Variants in MREG observed in about 807,000 individuals in gnomAD.
The protein encoded by MREG is dilute suppressor protein homolog.
A neutral mutation model predicts 28.5 loss-of-function variants in MREG; 31 were observed. The ratio of observed to expected loss-of-function variants is 1.09; its 90% CI spans 0.82 to 1.47. The LOEUF is 1.47. Among genes scored for constraint, MREG ranks in the 40% most tolerant of loss-of-function variants. MREG has a pLI of 0.00. For synonymous variants in MREG, 106 were observed against 95.2 expected (o/e 1.11, Z -0.66); for missense variants, 256 against 257.4 (o/e 0.99, Z 0.04).
At chr2:216,014,824 C>T (rs540110054), upstream of MREG, among the ~76,000 whole-genome samples, 43 of 152,266 alleles carry the variant, frequency 2.8e-4, no homozygotes, top group Admixed American at 3.3e-4. Context: ...GTATCTACTT[C>T]CCTATACCCT....
At chr2:216,015,026 T>C (rs1384444129), upstream of MREG, among the ~76,000 whole-genome samples, 1 of 152,008 alleles carries the variant, frequency 6.6e-6, no homozygotes, top group Non-Finnish European at 1.5e-5. Flanking sequence ...CAAAGTATTA[T>C]TCAATATGTT....
chr2:215,972,089 C>T (rs973690732), intron 2 of MREG, among the ~76,000 whole-genome samples: 13 of 152,126 alleles, frequency 8.5e-5, no homozygotes, highest in Non-Finnish European at 1.5e-4. Flanking sequence ...CAGGAAACCA[C>T]CTGGATGGTC....
chr2:216,018,974 G>A (rs1694484354), intron 1 of MREG, among the ~76,000 whole-genome samples: 1 of 152,154 alleles, frequency 6.6e-6, no homozygotes, highest in Non-Finnish European at 1.5e-5. Flanking sequence ...CTTCTTAACG[G>A]CAAAGACTCA....
intron 1 of MREG, among the ~76,000 whole-genome samples, chr2:216,002,075 G>A (rs573469305): frequency 5.1e-4 from 77 of 152,278 alleles, no homozygotes; most frequent in African/African-American, 1.7e-3. Flanking sequence ...TAAAGAAAGT[G>A]AGAGTGGTTG....
At chr2:215,998,834 G>A (rs1693940099) in intron 1 of MREG, among the ~76,000 whole-genome samples, 1 of 152,226 alleles carries the variant, frequency 6.6e-6, no homozygotes, top group African/African-American at 2.4e-5. Flanking sequence ...CGGGCTGGGT[G>A]CCATGGGGAC....
At chr2:215,949,035 TCTACTACTACTACTACTACTACTA>T (rs67462853) in intron 2 of MREG, among the ~76,000 whole-genome samples, 2 of 131,094 alleles carry the variant, frequency 1.5e-5, no homozygotes, top group African/African-American at 2.8e-5. Flanking sequence ...AAACCCTGTC[TCTACTACTACTACTACTACTACTA>T]CTACTACTAC....
chr2:215,983,908 A>G (rs1003253460), intron 2 of MREG, among the ~76,000 whole-genome samples: 1 of 152,248 alleles, frequency 6.6e-6, no homozygotes, highest in Non-Finnish European at 1.5e-5. Context: ...TCATTATGCC[A>G]AATAAACATC....
At chr2:215,960,043 C>T (rs1692737665) in intron 2 of MREG, among the ~76,000 whole-genome samples, 1 of 151,910 alleles carries the variant, frequency 6.6e-6, no homozygotes, top group South Asian at 2.1e-4. Flanking sequence ...GCAAGCTCTG[C>T]TTCCTGGGTT....
chr2:216,020,205 T>G (rs79941294), intron 1 of MREG, among the ~76,000 whole-genome samples: 20 of 152,100 alleles, frequency 1.3e-4, no homozygotes, highest in Non-Finnish European at 2.9e-4. Context: ...CTTCTAATTA[T>G]TAAGGACAAA....
intron 2 of MREG, among the ~76,000 whole-genome samples, chr2:215,983,343 T>C (rs1693480001): frequency 6.6e-6 from 1 of 152,258 alleles, no homozygotes; most frequent in African/African-American, 2.4e-5. Flanking sequence ...TTAAGCATTA[T>C]GTGGCTGGTC....
chr2:216,011,044 C>T (rs1278753323), intron 1 of MREG, among the ~76,000 whole-genome samples: 1 of 143,086 alleles, frequency 7.0e-6, no homozygotes, highest in Admixed American at 7.3e-5. Context: ...TGCAGTGAGC[C>T]GAGATCATGC....
chr2:215,971,976 G>A (rs573986569), intron 2 of MREG, among the ~76,000 whole-genome samples: 1 of 152,252 alleles, frequency 6.6e-6, no homozygotes, highest in South Asian at 2.1e-4. Flanking sequence ...TTAGTTGCCC[G>A]ATGGTGCAAC....
chr2:215,996,529 G>T, intron 1 of MREG, 64 bp from the exon 2 acceptor site: 2 of 1,175,176 alleles, frequency 1.7e-6, no homozygotes, highest in Non-Finnish European at 2.5e-6. Flanking sequence ...TATGTCATAT[G>T]CATGCAACAT....
chr2:215,988,964 A>C (rs925337758), intron 2 of MREG, among the ~76,000 whole-genome samples: 4 of 152,218 alleles, frequency 2.6e-5, no homozygotes. Context: ...CTGTGGGCAC[A>C]GCTTCAGCAG....
At chr2:215,974,857 C>CTT (rs1352821318) in intron 2 of MREG, among the ~76,000 whole-genome samples, 38 of 147,206 alleles carry the variant, frequency 2.6e-4, no homozygotes, top group Non-Finnish European at 5.2e-4. Context: ...CACACACTCT[C>CTT]TCTCTCTCTC....
chr2:215,998,027 G>A (rs1325329514), intron 1 of MREG, among the ~76,000 whole-genome samples: 1 of 152,282 alleles, frequency 6.6e-6, no homozygotes, highest in East Asian at 1.9e-4. Flanking sequence ...AGACAGGGCC[G>A]GGCACGGTGG....
chr2:215,946,029 T>C (rs926204321), intron 3 of MREG, among the ~76,000 whole-genome samples: 2 of 152,050 alleles, frequency 1.3e-5, no homozygotes, highest in African/African-American at 4.8e-5. Flanking sequence ...TTTGAAGCCC[T>C]CTTTCCTGTC....
At chr2:216,030,770 C>T (rs1047600235) in intron 1 of MREG, among the ~76,000 whole-genome samples, 1 of 148,910 alleles carries the variant, frequency 6.7e-6, no homozygotes, top group Admixed American at 6.8e-5. Context: ...ACCATGTTGG[C>T]CAGGCTGGTC....
At chr2:216,033,839 C>A (rs1694749819), upstream of MREG, 1 of 152,274 alleles carries the variant, frequency 6.6e-6, no homozygotes, top group African/African-American at 2.4e-5. Flanking sequence ...AACTAACCCA[C>A]AGAGGGCCTT....
Sources: allele counts gnomAD v4.1 joint callset (sites outside exome capture counted in the v4.1 genomes callset), GRCh38; gene constraint gnomAD v4.1.1; transcripts MANE v1.5; gene names NCBI Gene and HGNC (gene_info 2026-07-23, HGNC 2026-07-21).